Variants in LINGO2 observed in about 807,000 individuals in gnomAD.
LINGO2 encodes leucine-rich repeat and immunoglobulin-like domain-containing nogo receptor-interacting protein 2.
LINGO2 carries 14 observed loss-of-function variants against 30.6 expected under a neutral mutation model. The ratio of observed to expected loss-of-function variants is 0.46; its 90% CI spans 0.30 to 0.72. The LOEUF (loss-of-function observed/expected upper bound fraction) is 0.72. LINGO2 is among the 30% of genes least tolerant of loss of function. LINGO2 has a pLI of 0.07. For missense variants in LINGO2, 729 were observed against 751.7 expected, an observed-to-expected ratio of 0.97 and a Z score of 0.35; for synonymous variants, 317 against 288.5, an observed-to-expected ratio of 1.10 and a Z score of -1.00.
chr9:28,139,002 T>A lies in LINGO2; in HGVS notation c.-86-126597A>T, dbSNP rs548683580. Among the ~76,000 whole-genome samples the A allele has an allele frequency of 3.1e-4, 47 of 152,324 alleles. No homozygotes were observed. The South Asian group carries it at 9.3e-3, about 30-fold the overall frequency. On this transcript the variant is annotated intron_variant, in intron 4 of 5. Transcript: ENST00000379992. The stretch of plus-strand genomic sequence containing the variant: ...AGTTTCTCCCTCCACTATCAGTAAG[T>A]CTCAAAAAGGCCTGGCTTCTAGGAG...
At chr9:28,677,361 G>A in the LINGO2 span, among the ~76,000 whole-genome samples, 1 of 152,268 alleles carries the variant, frequency 6.6e-6, no homozygotes, top group South Asian at 2.1e-4. Context: ...AGTTGAGTGA[G>A]AAACAACAGA....
chr9:28,347,520 C>A (rs1036965015), intron 3 of LINGO2, among the ~76,000 whole-genome samples: 3 of 152,124 alleles, frequency 2.0e-5, no homozygotes, highest in Non-Finnish European at 2.9e-5. Context: ...ATCCACCCAT[C>A]CATTCATCCA....
intron 4 of LINGO2, among the ~76,000 whole-genome samples, chr9:28,167,728 A>G (rs991268282): frequency 1.3e-5 from 2 of 152,070 alleles, no homozygotes; most frequent in African/African-American, 2.4e-5. Context: ...ATTTTTGTCC[A>G]GTTTTCTAGT....
chr9:28,107,653 C>T (rs1000551954), intron 4 of LINGO2, among the ~76,000 whole-genome samples: 9 of 152,018 alleles, frequency 5.9e-5, no homozygotes, highest in Non-Finnish European at 8.8e-5. Flanking sequence ...ATTAGAAAAG[C>T]GTATAAGGTA....
chr9:28,802,695 A>C, the LINGO2 span, among the ~76,000 whole-genome samples: 1 of 151,970 alleles, frequency 6.6e-6, no homozygotes, highest in Admixed American at 6.6e-5. Context: ...TTAAAAAATA[A>C]AAGATTTAAG....
intron 1 of LINGO2, among the ~76,000 whole-genome samples, chr9:28,620,639 T>C (rs1439749118): frequency 1.3e-5 from 2 of 152,002 alleles, no homozygotes; most frequent in East Asian, 3.9e-4. Flanking sequence ...GAAATGATAA[T>C]ATATATGACC....
chr9:28,817,023 G>A, the LINGO2 span, among the ~76,000 whole-genome samples: 2 of 152,188 alleles, frequency 1.3e-5, no homozygotes, highest in South Asian at 4.1e-4. Context: ...ATGTAGTAAA[G>A]TAAATAAGGT....
At chr9:28,455,811 G>T (rs1331551761) in intron 2 of LINGO2, among the ~76,000 whole-genome samples, 1 of 151,988 alleles carries the variant, frequency 6.6e-6, no homozygotes, top group Non-Finnish European at 1.5e-5. Context: ...CCCCTGCCTT[G>T]TAGAGTATAC....
In LINGO2 at chr9:28,533,348, G is replaced by A. The variant is rs573271038; in HGVS notation, c.-364-57323C>T. On this transcript the variant is annotated intron_variant, in intron 1 of 5. Coordinates refer to ENST00000379992, the Ensembl canonical transcript of LINGO2. Reference sequence around the variant, plus strand: ...CTTTTGAAGTTTGGGGACTCAGACGGGCTTCCTGATTCTTCAGCTTGCAGA... The same window carrying A: ...CTTTTGAAGTTTGGGGACTCAGACGAGCTTCCTGATTCTTCAGCTTGCAGA... Among the ~76,000 whole-genome samples the A allele has an allele frequency of 3.9e-5, 6 of 152,118 alleles. No individual in the cohort carries two copies. In the South Asian group the frequency reaches 1.2e-3, roughly 32 times the overall value.
chr9:28,899,429 C>A, the LINGO2 span, among the ~76,000 whole-genome samples: 1 of 152,200 alleles, frequency 6.6e-6, no homozygotes, highest in African/African-American at 2.4e-5. Flanking sequence ...TCCAGGCCTT[C>A]TCCAGGGTTA....
At chr9:27,960,614 C>CTTTT (rs540319420) in intron 5 of LINGO2, among the ~76,000 whole-genome samples, 3 of 122,316 alleles carry the variant, frequency 2.5e-5, no homozygotes, top group South Asian at 2.9e-4. Context: ...TGTGGTATAT[C>CTTTT]TTTTTTTTTT....
the LINGO2 span, among the ~76,000 whole-genome samples, chr9:29,174,799 T>C: frequency 2.0e-5 from 3 of 152,352 alleles, no homozygotes; most frequent in East Asian, 5.8e-4. Context: ...GCCTATGGTG[T>C]CTACGTGCAC....
the LINGO2 span, among the ~76,000 whole-genome samples, chr9:28,782,921 C>T: frequency 6.6e-6 from 1 of 152,156 alleles, no homozygotes; most frequent in Non-Finnish European, 1.5e-5. Flanking sequence ...TATGGTATAG[C>T]CTGTTGCTGC....
intron 5 of LINGO2, among the ~76,000 whole-genome samples, chr9:27,991,427 C>T (rs1419106559): frequency 6.6e-6 from 1 of 152,002 alleles, no homozygotes; most frequent in African/African-American, 2.4e-5. Context: ...AATCTGTGTT[C>T]AGATGATAAA....
At chr9:28,735,803 G>GAAATCTCT in the LINGO2 span, among the ~76,000 whole-genome samples, 89 of 151,984 alleles carry the variant, frequency 5.9e-4, no homozygotes, top group African/African-American at 1.9e-3. Context: ...AGAGCTTCTA[G>GAAATCTCT]AGATTATTAA....
the LINGO2 span, among the ~76,000 whole-genome samples, chr9:28,822,850 T>C: frequency 6.6e-6 from 1 of 152,106 alleles, no homozygotes; most frequent in African/African-American, 2.4e-5. Flanking sequence ...GACTAATACA[T>C]ACTGAAAAAA....
At chr9:29,083,593 AAG>A in the LINGO2 span, among the ~76,000 whole-genome samples, 1 of 152,006 alleles carries the variant, frequency 6.6e-6, no homozygotes, top group Non-Finnish European at 1.5e-5. Context: ...TAATAAAAAA[AAG>A]AAGAATGCAC....
At position 28,064,550 on chromosome 9, in the gene LINGO2, A is replaced by G. The variant is rs145018231; in HGVS notation, c.-86-52145T>C. On this transcript the variant is annotated intron_variant, in intron 4 of 5. Transcript: ENST00000379992. ...ACTTTCTCCAGTAAGTTTGATGAGA[A>G]ATCCACGTGGTCCTATCTGTTAGTA... 2.4e-3 allele frequency among the ~76,000 whole-genome samples: 370 copies of G among 152,248 alleles called. 3 individuals carry two copies. Among genetic ancestry groups the G allele is most frequent in the African/African-American group, 8.6e-3 (357 of 41,554 alleles).
chr9:28,567,745 T>C (rs1217106631), intron 1 of LINGO2, among the ~76,000 whole-genome samples: 4 of 151,910 alleles, frequency 2.6e-5, no homozygotes, highest in Non-Finnish European at 5.9e-5. Flanking sequence ...AACCTCAGCA[T>C]TATACAATAT....
Sources: gnomAD v4.1 joint callset for allele counts (sites outside exome capture counted in the v4.1 genomes callset) on GRCh38, gnomAD v4.1.1 for gene constraint, MANE v1.5 for transcripts, NCBI Gene and HGNC (gene_info 2026-07-23, HGNC 2026-07-21) for gene names.